The following ZC3H12B variants were observed in gnomAD, a reference collection of about 807,000 sequenced individuals.
ZC3H12B encodes zinc finger CCCH-type containing 12B.
A neutral mutation model predicts 43.9 loss-of-function variants in ZC3H12B; 7 were observed. The observed-to-expected ratio is 0.16, with a 90% confidence interval of 0.09 to 0.30. The LOEUF is 0.30. Among genes scored for constraint, ZC3H12B ranks in the 10% least tolerant of loss-of-function variants. ZC3H12B has a pLI of 1.00. For synonymous variants in ZC3H12B, 222 were observed against 241.7 expected (o/e 0.92, Z 0.76); for missense variants, 475 against 670.2 (o/e 0.71, Z 3.22).
At chrX:65,222,925 C>T in the ZC3H12B span, among the ~76,000 whole-genome samples, 17 of 110,754 alleles carry the variant, frequency 1.5e-4, no homozygotes, top group Non-Finnish European at 3.2e-4. Flanking sequence ...CCCACATAGC[C>T]AAAGCAAGAC....
chrX:65,158,822 G>A, the ZC3H12B span, among the ~76,000 whole-genome samples: 3 of 111,800 alleles, frequency 2.7e-5, no homozygotes, highest in African/African-American at 9.8e-5. Context: ...ATTGCTTTTG[G>A]TGTTTTAGAC....
the ZC3H12B span, among the ~76,000 whole-genome samples, chrX:65,160,528 G>C: frequency 8.9e-6 from 1 of 111,759 alleles, no homozygotes; most frequent in East Asian, 2.8e-4. Context: ...ATTTCTTCTA[G>C]ATTTTCTAGT....
At chrX:65,353,778 G>A in the ZC3H12B span, among the ~76,000 whole-genome samples, 1 of 111,478 alleles carries the variant, frequency 9.0e-6, no homozygotes, top group Non-Finnish European at 1.9e-5. Flanking sequence ...CTTGGTGTGG[G>A]GAGGGGTGTC....
At chrX:65,217,269 A>G in the ZC3H12B span, among the ~76,000 whole-genome samples, 6 of 112,341 alleles carry the variant, frequency 5.3e-5, no homozygotes. Context: ...AAATGGCTGC[A>G]GGAACCACAG....
At chrX:65,128,351 A>C in the ZC3H12B span, among the ~76,000 whole-genome samples, 1 of 112,169 alleles carries the variant, frequency 8.9e-6, no homozygotes, top group South Asian at 3.7e-4. Flanking sequence ...GTTTAACGTC[A>C]AAGTGTTTGT....
At chrX:65,244,152 T>C in the ZC3H12B span, among the ~76,000 whole-genome samples, 1 of 111,420 alleles carries the variant, frequency 9.0e-6, no homozygotes, top group Non-Finnish European at 1.9e-5. Context: ...AGAAATGATA[T>C]ATGTTTAAGA....
rs771677216 is a variant in ZC3H12B, at chrX:65,380,320, A to C, written n.295+11322A>C. On this transcript the variant is annotated intron_variant and non_coding_transcript_variant, in intron 2 of 5. Coordinates refer to the ZC3H12B transcript ENST00000617377. ...CCAATATTCAACATTCTTAAAGAAAAGAATTTTCAACCGAGAATTTCATAT... is the reference window on the plus strand; with the variant it reads ...CCAATATTCAACATTCTTAAAGAAACGAATTTTCAACCGAGAATTTCATAT... Among the ~76,000 whole-genome samples, 7 of 112,203 alleles carry C rather than the reference A, an allele frequency of 6.2e-5. No homozygotes were observed. The East Asian group carries it at 1.9e-3, about 31-fold the overall frequency.
chrX:65,205,105 G>A, the ZC3H12B span, among the ~76,000 whole-genome samples: 1 of 112,152 alleles, frequency 8.9e-6, no homozygotes, highest in Admixed American at 9.5e-5. Context: ...CTTCATGGGA[G>A]AAAATATTTT....
chrX:65,284,807 C>G, the ZC3H12B span, among the ~76,000 whole-genome samples: 2 of 110,088 alleles, frequency 1.8e-5, no homozygotes, highest in Non-Finnish European at 3.8e-5. Flanking sequence ...TTAAAAGAAC[C>G]AAATAGAAAT....
At chrX:65,345,502 C>T in the ZC3H12B span, among the ~76,000 whole-genome samples, 4 of 111,062 alleles carry the variant, frequency 3.6e-5, no homozygotes, top group Non-Finnish European at 5.7e-5. Context: ...TGATAACACA[C>T]GGGCAAATAG....
At chrX:65,320,437 G>A in the ZC3H12B span, among the ~76,000 whole-genome samples, 2 of 111,921 alleles carry the variant, frequency 1.8e-5, no homozygotes, top group Admixed American at 1.9e-4. Context: ...CTCATGGATA[G>A]GGAGAATCAA....
At chrX:65,138,733 G>A in the ZC3H12B span, among the ~76,000 whole-genome samples, 1 of 110,503 alleles carries the variant, frequency 9.0e-6, no homozygotes. Flanking sequence ...TTTTTTTTCT[G>A]CATACTTTCT....
the ZC3H12B span, among the ~76,000 whole-genome samples, chrX:65,295,475 A>T: frequency 9.0e-6 from 1 of 111,676 alleles, no homozygotes; most frequent in Non-Finnish European, 1.9e-5. Flanking sequence ...CAAATAGACA[A>T]AGTAAGGTCA....
At chrX:65,260,916 T>C in the ZC3H12B span, among the ~76,000 whole-genome samples, 1 of 111,717 alleles carries the variant, frequency 9.0e-6, no homozygotes. Context: ...AAATAGTATG[T>C]GCCTTGTAGA....
intron 3 of ZC3H12B, among the ~76,000 whole-genome samples, chrX:65,446,478 A>G (rs1489696094): frequency 9.0e-6 from 1 of 111,281 alleles, no homozygotes; most frequent in Admixed American, 9.6e-5. Flanking sequence ...GGATCCCAAA[A>G]CGCTTTAATG....
the ZC3H12B span, among the ~76,000 whole-genome samples, chrX:65,340,702 A>T: frequency 8.9e-6 from 1 of 112,117 alleles, no homozygotes; most frequent in African/African-American, 3.2e-5. Context: ...AAAAAAACTC[A>T]TCCAAAGGAT....
At chrX:65,213,166 ATATCTAATTG>A in the ZC3H12B span, among the ~76,000 whole-genome samples, 1 of 109,497 alleles carries the variant, frequency 9.1e-6, no homozygotes, top group East Asian at 2.8e-4. Flanking sequence ...ATGATATTAT[ATATCTAATTG>A]TTGCTTTTTA....
chrX:65,368,278 T>C (rs2066199510), intron 1 of ZC3H12B, among the ~76,000 whole-genome samples: 1 of 111,526 alleles, frequency 9.0e-6, no homozygotes, highest in South Asian at 3.7e-4. Context: ...GAAAATGTGA[T>C]GTATTTCAAG....
At chrX:65,489,623 C>T (rs1045015053) in intron 1 of ZC3H12B, among the ~76,000 whole-genome samples, 6 of 111,816 alleles carry the variant, frequency 5.4e-5, no homozygotes, top group African/African-American at 1.6e-4. Flanking sequence ...AAGGCAGCTT[C>T]GACATCAGTG....
Sources: gnomAD v4.1 joint callset for allele counts (sites outside exome capture counted in the v4.1 genomes callset) on GRCh38, gnomAD v4.1.1 for gene constraint, MANE v1.5 for transcripts, NCBI Gene and HGNC (gene_info 2026-07-23, HGNC 2026-07-21) for gene names.